ARHGAP10: variants seen among roughly 807,000 people sequenced by gnomAD.
ARHGAP10 encodes the protein rho GTPase-activating protein 10.
In ARHGAP10, 87 loss-of-function variants were observed where a neutral mutation model predicts 108.6. The observed-to-expected ratio is 0.80, with a 90% CI of 0.67 to 0.96. The LOEUF is 0.96. Ranked by LOEUF, ARHGAP10 falls within the 40% of genes least tolerant of loss-of-function variation. The pLI, the probability that ARHGAP10 is intolerant of heterozygous loss-of-function variation, is 0.00. For synonymous variants in ARHGAP10, 347 were observed against 341.1 expected (o/e 1.02, Z -0.19); for missense variants, 939 against 954.5 (o/e 0.98, Z 0.21).
At chr4:147,948,858 C>T (rs1407663789) in intron 15 of ARHGAP10, among the ~76,000 whole-genome samples, 5 of 150,200 alleles carry the variant, frequency 3.3e-5, no homozygotes, top group African/African-American at 7.3e-5. Context: ...CGCAGCTACT[C>T]GGGAGGCTGA....
At chr4:147,836,513 G>T (rs1733176094) in intron 3 of ARHGAP10, among the ~76,000 whole-genome samples, 1 of 152,086 alleles carries the variant, frequency 6.6e-6, no homozygotes. Context: ...AGTCGTCTTT[G>T]GTCTGAAAGA....
rs539309427 is a variant in ARHGAP10 at position 148,049,280 on chromosome 4, T to C, written c.2027+2229T>C. Among the ~76,000 whole-genome samples, 91 of 152,312 alleles carry C rather than the reference T, an allele frequency of 6.0e-4. No individual in the cohort carries two copies. The South Asian group carries it at 0.019, about 32-fold the overall frequency. On this transcript the variant is annotated intron_variant, in intron 20 of 22. Coordinates refer to ENST00000336498, the MANE Select transcript of ARHGAP10 (RefSeq NM_024605.4). ...GAAGGGTCCTGAGAGCTTGCCATTC[T>C]AAGGAGTTCCCAGGTGACGATGAAT...
At chr4:147,965,488 A>C (rs193059931) in intron 17 of ARHGAP10, among the ~76,000 whole-genome samples, 57 of 152,322 alleles carry the variant, frequency 3.7e-4, no homozygotes, top group Non-Finnish European at 6.9e-4. Flanking sequence ...GGCTTAATTC[A>C]ATAATGGGTA....
chr4:147,761,757 G>A (rs776804844), intron 1 of ARHGAP10, among the ~76,000 whole-genome samples: 2 of 152,194 alleles, frequency 1.3e-5, no homozygotes, highest in Non-Finnish European at 2.9e-5. Flanking sequence ...TTTCATAGTA[G>A]TAGAGTTTTC....
chr4:147,912,580 T>G (rs184581453), intron 12 of ARHGAP10, among the ~76,000 whole-genome samples: 2,381 of 126,484 alleles, frequency 0.019, 86 homozygotes, highest in South Asian at 0.031. Context: ...TATATATATA[T>G]ATATATATAT....
chr4:147,746,371 G>C (rs999432752), intron 1 of ARHGAP10, among the ~76,000 whole-genome samples: 1 of 150,064 alleles, frequency 6.7e-6, no homozygotes, highest in Non-Finnish European at 1.5e-5. Flanking sequence ...CAAAGTGCTG[G>C]AGTTACAGGT....
intron 13 of ARHGAP10, among the ~76,000 whole-genome samples, chr4:147,918,780 C>T (rs1274097229): frequency 6.6e-6 from 1 of 152,224 alleles, no homozygotes; most frequent in African/African-American, 2.4e-5. Context: ...TATGTCATGT[C>T]TCTCACATGG....
chr4:147,908,500 T>G (rs1736593982), intron 11 of ARHGAP10, among the ~76,000 whole-genome samples: 1 of 152,170 alleles, frequency 6.6e-6, no homozygotes, highest in South Asian at 2.1e-4. Context: ...CAAAGGCAAG[T>G]CTGCAGAAAA....
intron 1 of ARHGAP10, among the ~76,000 whole-genome samples, chr4:147,740,859 T>G (rs1728626103): frequency 6.6e-6 from 1 of 152,202 alleles, no homozygotes; most frequent in Non-Finnish European, 1.5e-5. Flanking sequence ...CCCAGCTTAA[T>G]GAAAGCATCT....
intron 1 of ARHGAP10, among the ~76,000 whole-genome samples, chr4:147,750,049 G>T (rs1355720508): frequency 6.6e-6 from 1 of 152,202 alleles, no homozygotes; most frequent in Non-Finnish European, 1.5e-5. Flanking sequence ...AGAACAAAAA[G>T]ATTTTAAAAA....
intron 7 of ARHGAP10, among the ~76,000 whole-genome samples, chr4:147,867,774 G>A (rs1057423391): frequency 2.7e-5 from 4 of 150,144 alleles, no homozygotes; most frequent in Non-Finnish European, 5.9e-5. Flanking sequence ...TGAGGCAGGA[G>A]AATTGCTTGA....
intron 13 of ARHGAP10, among the ~76,000 whole-genome samples, chr4:147,931,124 A>G (rs1737659824): frequency 6.6e-6 from 1 of 152,164 alleles, no homozygotes; most frequent in South Asian, 2.1e-4. Flanking sequence ...GGGTGATGTG[A>G]GTAGTGCTCT....
At chr4:147,842,813 G>T (rs567737015) in intron 3 of ARHGAP10, among the ~76,000 whole-genome samples, 2 of 152,100 alleles carry the variant, frequency 1.3e-5, no homozygotes, top group Non-Finnish European at 2.9e-5. Flanking sequence ...AGAAACACTC[G>T]CCTGGGATGA....
intron 14 of ARHGAP10, among the ~76,000 whole-genome samples, chr4:147,942,410 A>C (rs1738195129): frequency 6.6e-6 from 1 of 152,190 alleles, no homozygotes; most frequent in Non-Finnish European, 1.5e-5. Context: ...TTGTTTGTTA[A>C]AGTGTTTTAA....
chr4:148,059,633 C>T (rs939106088), intron 20 of ARHGAP10, among the ~76,000 whole-genome samples: 12 of 152,012 alleles, frequency 7.9e-5, no homozygotes, highest in Non-Finnish European at 1.6e-4. Context: ...TCCCCTGAAC[C>T]ACAGAGTACA....
intron 1 of ARHGAP10, among the ~76,000 whole-genome samples, chr4:147,783,379 G>A (rs1451964799): frequency 1.2e-3 from 146 of 120,798 alleles, no homozygotes; most frequent in African/African-American, 4.5e-3. Context: ...AATTTATATA[G>A]CACACATTAA....
At chr4:147,957,657 G>A (rs1304332664) in intron 16 of ARHGAP10, among the ~76,000 whole-genome samples, 1 of 152,170 alleles carries the variant, frequency 6.6e-6, no homozygotes, top group East Asian at 1.9e-4. Context: ...GTTTCCATCT[G>A]TTCTGTGGTG....
At chr4:147,947,617 G>T (rs1738437650) in intron 15 of ARHGAP10, among the ~76,000 whole-genome samples, 1 of 151,790 alleles carries the variant, frequency 6.6e-6, no homozygotes, top group Admixed American at 6.6e-5. Context: ...TGACCAGGCT[G>T]GTCTCAAACT....
chr4:147,760,194 G>A (rs960542752), intron 1 of ARHGAP10, among the ~76,000 whole-genome samples: 2 of 151,898 alleles, frequency 1.3e-5, no homozygotes, highest in South Asian at 2.1e-4. Flanking sequence ...AGGATAATAC[G>A]CAGTATCTAC....
Sources: allele counts gnomAD v4.1 joint callset (sites outside exome capture counted in the v4.1 genomes callset), GRCh38; gene constraint gnomAD v4.1.1; transcripts MANE v1.5; gene names NCBI Gene and HGNC (gene_info 2026-07-23, HGNC 2026-07-21).